Variants in CMIP observed in about 807,000 individuals in gnomAD.
CMIP encodes c-Maf inducing protein.
A neutral mutation model predicts 97.3 loss-of-function variants in CMIP; 13 were observed. The observed-to-expected ratio is 0.13, with a 90% CI of 0.09 to 0.21. The LOEUF (loss-of-function observed/expected upper bound fraction) is 0.21. Ranked by LOEUF, CMIP falls within the 10% of genes least tolerant of loss-of-function variation. The probability of loss-of-function intolerance (pLI) is 1.00; values close to 1 mark genes in which losing one functional copy is unlikely to be tolerated. For synonymous variants in CMIP, 538 were observed against 436.3 expected, an observed-to-expected ratio of 1.23 and a Z score of -2.91; for missense variants, 847 against 1,024.9, an observed-to-expected ratio of 0.83 and a Z score of 2.37.
Position 81,652,260 on chromosome 16 carries a change from T to C in CMIP, c.535T>C (p.Leu179=). 6.2e-7 allele frequency: 1 copy of C among 1,613,806 alleles called. No individual in the cohort carries two copies. Among genetic ancestry groups the C allele is most frequent in the Admixed American group, 1.7e-5 (1 of 60,032 alleles). Residue 179 remains leucine (L), a synonymous_variant, in exon 4 of 21, where the codon TTG becomes CTG. Transcript: ENST00000537098. This position sits in a 1 kb window ranked among gnomAD's most constrained non-coding sequence, Gnocchi z 5.2. ...TAACCCAAGCCGCTGGGAAGTTGTC[T>C]TGAAAGAGATCCGGACCCTGGTGGA... ...LSNPSRWEVV[L]KEIRTLVDMA...
intron 1 of CMIP, among the ~76,000 whole-genome samples, chr16:81,556,993 G>A (rs1227608527): frequency 6.6e-6 from 1 of 152,158 alleles, no homozygotes; most frequent in Non-Finnish European, 1.5e-5. Flanking sequence ...AGGACACTTG[G>A]GAAAAACTGG....
In CMIP at chr16:81,710,453, T is replaced by G. The variant is rs886316985; in HGVS notation, c.*654T>G. On this transcript the variant is annotated 3_prime_UTR_variant, in exon 21 of 21. Transcript: ENST00000537098. The stretch of plus-strand genomic sequence containing the variant: ...CGCCCTCCCGCCCCCACCTGGCGTG[T>G]AGTACTGTATAAACCAGTCAGCTGT... 1.6e-5 allele frequency: 2 copies of G among 128,092 alleles called. No homozygotes were observed. Among genetic ancestry groups the G allele is most frequent in the Non-Finnish European group, 3.2e-5 (2 of 63,300 alleles). The allele number at this position is 128,092 out of a possible 1,614,324, so 7.9% of individuals were successfully genotyped here.
At chr16:81,466,382 TA>T (rs1907208175) in intron 1 of CMIP, among the ~76,000 whole-genome samples, 1 of 152,222 alleles carries the variant, frequency 6.6e-6, no homozygotes, top group South Asian at 2.1e-4. Flanking sequence ...TTAAAAAAAT[TA>T]CTTCATTTGG....
intron 1 of CMIP, among the ~76,000 whole-genome samples, chr16:81,511,627 C>A (rs758616755): frequency 6.6e-6 from 1 of 152,196 alleles, no homozygotes; most frequent in African/African-American, 2.4e-5. Context: ...GTTGCATGAT[C>A]GTGGCTCACT....
intron 13 of CMIP, among the ~76,000 whole-genome samples, chr16:81,694,812 T>G (rs184878604): frequency 6.6e-6 from 1 of 152,190 alleles, no homozygotes; most frequent in Non-Finnish European, 1.5e-5. Context: ...AAGACTCTAG[T>G]TCCAAAACAC....
intron 2 of CMIP, among the ~76,000 whole-genome samples, chr16:81,617,944 GT>G (rs1057153953): frequency 6.6e-6 from 1 of 152,192 alleles, no homozygotes; most frequent in African/African-American, 2.4e-5. Flanking sequence ...GAGGGATGTG[GT>G]TGTCCTCCTC....
Position 81,678,778 on chromosome 16 carries a change from C to T in CMIP, c.1388+150C>T, listed in dbSNP as rs1172395586. On this transcript the variant is annotated intron_variant, in intron 10 of 20. Coordinates refer to ENST00000537098, the MANE Select transcript of CMIP (RefSeq NM_198390.3). ...GTGAGTGCACACGAGCTGGTGTGTG[C>T]AAGAGTGTGCATAAGCACAAGTGTG... The T allele has an allele frequency of 1.0e-5, 6 of 596,942 alleles. No homozygotes were observed. In the East Asian group the frequency reaches 1.7e-4, roughly 17 times the overall value. The allele number at this position is 596,942 out of a possible 1,614,324, so 37.0% of individuals were successfully genotyped here.
At chr16:81,591,682 G>A (rs986751486) in intron 1 of CMIP, among the ~76,000 whole-genome samples, 1 of 152,090 alleles carries the variant, frequency 6.6e-6, no homozygotes, top group Non-Finnish European at 1.5e-5. Context: ...GGGAAGGGGA[G>A]CAGGGGAGCC....
chr16:81,676,211 C>T (rs1904305611), intron 9 of CMIP, among the ~76,000 whole-genome samples: 1 of 152,190 alleles, frequency 6.6e-6, no homozygotes, highest in Non-Finnish European at 1.5e-5. Context: ...CCCTCGGAGC[C>T]CACAGTAGCC....
At chr16:81,531,768 C>T (rs868617973) in intron 1 of CMIP, among the ~76,000 whole-genome samples, 2 of 152,164 alleles carry the variant, frequency 1.3e-5, no homozygotes, top group African/African-American at 4.8e-5. Context: ...CCCAGACTGG[C>T]TGATTCAAAC....
At chr16:81,446,048 A>T (rs1399734976) in intron 1 of CMIP, among the ~76,000 whole-genome samples, 6 of 151,956 alleles carry the variant, frequency 3.9e-5, no homozygotes, top group African/African-American at 1.4e-4. Flanking sequence ...TGTTTGGTTT[A>T]CCCGTCCTTT....
intron 14 of CMIP, 198 bp downstream of exon 14, chr16:81,696,865 T>C: frequency 1.7e-6 from 1 of 604,604 alleles, no homozygotes; most frequent in Non-Finnish European, 2.9e-6. Flanking sequence ...TATCTGAGGC[T>C]CCAAGCCAAG....
intron 1 of CMIP, among the ~76,000 whole-genome samples, chr16:81,602,288 T>G (rs73598444): frequency 0.073 from 11,044 of 152,282 alleles, 700 homozygotes; most frequent in African/African-American, 0.16. Flanking sequence ...TACTGTATGA[T>G]TTCGGCTTTA....
intron 1 of CMIP, among the ~76,000 whole-genome samples, chr16:81,592,113 T>C (rs1377805427): frequency 6.6e-6 from 1 of 152,178 alleles, no homozygotes; most frequent in East Asian, 1.9e-4. Flanking sequence ...CATGAGCCAC[T>C]GCGCCTGGCT....
At chr16:81,445,567 C>T (rs990714120) in intron 1 of CMIP, 26 bp downstream of exon 1, 17 of 1,533,902 alleles carry the variant, frequency 1.1e-5, no homozygotes, top group South Asian at 6.0e-5. Flanking sequence ...CGGCTGCACC[C>T]CCGCCTCTCC....
chr16:81,527,132 C>T (rs2090148032), intron 1 of CMIP, among the ~76,000 whole-genome samples: 1 of 152,178 alleles, frequency 6.6e-6, no homozygotes, highest in Non-Finnish European at 1.5e-5. Context: ...TACAGAATTT[C>T]TCAGCTCTCC....
intron 1 of CMIP, among the ~76,000 whole-genome samples, chr16:81,457,801 T>TGG (rs1483609477): frequency 1.3e-5 from 2 of 152,156 alleles, no homozygotes; most frequent in Non-Finnish European, 2.9e-5. Flanking sequence ...AAAAACAATG[T>TGG]GGGGGCCTTA....
At chr16:81,524,726 G>A (rs778924597) in intron 1 of CMIP, among the ~76,000 whole-genome samples, 2 of 152,234 alleles carry the variant, frequency 1.3e-5, no homozygotes, top group Non-Finnish European at 2.9e-5. Flanking sequence ...TCACAAGTGA[G>A]GCTGTTCCTA....
At chr16:81,584,281 T>C (rs1209388044) in intron 1 of CMIP, among the ~76,000 whole-genome samples, 10 of 152,202 alleles carry the variant, frequency 6.6e-5, no homozygotes, top group Non-Finnish European at 1.3e-4. Context: ...TCTGTTTTGT[T>C]GAACAATGTG....
Sources: gnomAD v4.1 joint callset for allele counts (sites outside exome capture counted in the v4.1 genomes callset) on GRCh38, gnomAD v4.1.1 for gene constraint, Gnocchi (gnomAD v3.1) non-coding constraint, MANE v1.5 for transcripts, NCBI Gene and HGNC (gene_info 2026-07-23, HGNC 2026-07-21) for gene names.